The following ZMYND19 variants were observed in gnomAD, a reference collection of about 807,000 sequenced individuals.
The protein encoded by ZMYND19 is zinc finger MYND domain-containing protein 19.
ZMYND19 carries 17 observed loss-of-function variants against 32.0 expected under a neutral mutation model. That is an observed-to-expected ratio of 0.53 (90% CI 0.36 to 0.80). ZMYND19 has a LOEUF of 0.80. Among genes scored for constraint, ZMYND19 ranks in the 30% least tolerant of loss-of-function variants. The probability of loss-of-function intolerance (pLI) is 0.00; values close to 1 mark genes in which losing one functional copy is unlikely to be tolerated. For missense variants in ZMYND19, 250 were observed against 293.6 expected (o/e 0.85, Z 1.09); for synonymous variants, 124 against 113.6 (o/e 1.09, Z -0.58).
At chr9:137,589,917 G>A in intron 1 of ZMYND19, 4 of 985,402 alleles carry the variant, frequency 4.1e-6, no homozygotes, top group Non-Finnish European at 4.8e-6. Context: ...TCGGGCTCGA[G>A]CCACGCATCT....
At chr9:137,587,253 A>G in intron 3 of ZMYND19, 146 bp from the exon 4 acceptor site, 1 of 1,333,484 alleles carries the variant, frequency 7.5e-7, no homozygotes, top group South Asian at 1.4e-5. Context: ...GGATGAGGGT[A>G]CCTCAGGCGG....
chr9:137,588,450 G>A (rs1455063345), intron 2 of ZMYND19, among the ~76,000 whole-genome samples: 3 of 92,964 alleles, frequency 3.2e-5, no homozygotes, highest in African/African-American at 7.9e-5. Context: ...GGCCATGTGG[G>A]CCACAGTGGG....
intron 5 of ZMYND19, 135 bp downstream of exon 5, chr9:137,582,848 C>T (rs1164886264): frequency 6.6e-7 from 1 of 1,507,978 alleles, no homozygotes; most frequent in Non-Finnish European, 8.9e-7. Flanking sequence ...AGGGAGACCA[C>T]TCTGGTGGAA....
intron 4 of ZMYND19, among the ~76,000 whole-genome samples, chr9:137,585,138 C>T (rs981640924): frequency 5.9e-5 from 9 of 152,094 alleles, no homozygotes; most frequent in Non-Finnish European, 8.8e-5. Context: ...GAGGCTGAAG[C>T]GGGGCCAGGC....
At position 137,582,416 on chromosome 9, in the gene ZMYND19, G is replaced by C; in HGVS notation, c.*127C>G. On this transcript the variant is annotated 3_prime_UTR_variant, in exon 6 of 6. Coordinates refer to ENST00000298585, the MANE Select transcript of ZMYND19 (RefSeq NM_138462.3). ...ACACAGACTGCCTGTGACATCGGGA[G>C]TCTCACGGCAGCTGTCCTGGGCCCG... The C allele has an allele frequency of 1.5e-6, 2 of 1,348,604 alleles. No homozygotes were observed. The highest frequency in any genetic ancestry group is 2.0e-6 in the Non-Finnish European group (2 of 1,000,344). 83.5% of individuals were successfully genotyped at this position (1,348,604 alleles called of 1,614,324 possible). A position where few individuals can be genotyped will look rare whatever the true frequency, so the allele number is the denominator to read the frequency against.
At chr9:137,589,376 T>G in intron 1 of ZMYND19, 1 of 985,428 alleles carries the variant, frequency 1.0e-6, no homozygotes, top group South Asian at 4.7e-5. Flanking sequence ...CTTGGCAGTT[T>G]TTCTTCTGGG....
intron 1 of ZMYND19, chr9:137,589,431 C>T: frequency 2.0e-6 from 2 of 985,436 alleles, no homozygotes; most frequent in Non-Finnish European, 2.4e-6. Context: ...TGCCTCGGCT[C>T]CTCTCTCCCA....
intron 2 of ZMYND19, 101 bp from the exon 3 acceptor site, chr9:137,587,924 G>T: frequency 1.7e-6 from 2 of 1,175,570 alleles, no homozygotes; most frequent in Non-Finnish European, 1.3e-6. Flanking sequence ...AAGCCAGAGG[G>T]ACAAATGCCA....
chr9:137,583,305 C>T, intron 4 of ZMYND19, 142 bp from the exon 5 acceptor site: 2 of 846,476 alleles, frequency 2.4e-6, no homozygotes, highest in Non-Finnish European at 3.7e-6. Flanking sequence ...ATCCCTGCTG[C>T]ATGTGCTTTT....
intron 1 of ZMYND19, chr9:137,589,692 C>G (rs1039665062): frequency 3.0e-6 from 3 of 985,480 alleles, no homozygotes; most frequent in Non-Finnish European, 3.6e-6. Flanking sequence ...CCTAACGTGG[C>G]CAACCCCTGG....
rs1842259781 is a variant in ZMYND19 at position 137,590,369 on chromosome 9, G to A, written c.-106C>T. On this transcript the variant is annotated 5_prime_UTR_variant, in exon 1 of 6. Coordinates refer to ENST00000298585, the MANE Select transcript of ZMYND19 (RefSeq NM_138462.3). The surrounding 1 kb of genome is among the most constrained non-coding windows in gnomAD (Gnocchi z 4.2). ...CGGGACAGGACGGGACCGGAGCCGG[G>A]GTCGGGGTAGCAGCCAGGCGGGCTC... The A allele has an allele frequency of 1.3e-6, 1 of 746,920 alleles. No individual in the cohort carries two copies. Among genetic ancestry groups the A allele is most frequent in the East Asian group, 1.2e-4 (1 of 8,398 alleles). 46.3% of individuals were successfully genotyped at this position (746,920 alleles called of 1,614,324 possible).
At position 137,582,518 on chromosome 9, in the gene ZMYND19, T is replaced by A. The variant is rs776870780; in HGVS notation, c.*25A>T. On this transcript the variant is annotated 3_prime_UTR_variant, in exon 6 of 6. Coordinates refer to ENST00000298585, the MANE Select transcript of ZMYND19 (RefSeq NM_138462.3). ...TGCCCAGGGTAGAGCCCGGGGGCTGTGAGTATGTGTGGCTCCCCTGCCCGT... is the reference window on the plus strand; with the variant it reads ...TGCCCAGGGTAGAGCCCGGGGGCTGAGAGTATGTGTGGCTCCCCTGCCCGT... The A allele has an allele frequency of 1.2e-6, 2 of 1,601,996 alleles. No individual in the cohort carries two copies. The highest frequency in any genetic ancestry group is 1.7e-5 in the Admixed American group (1 of 59,420).
At position 137,584,905 on chromosome 9, in the gene ZMYND19, G is replaced by C. The variant is rs374666340; in HGVS notation, c.360-1742C>G. On this transcript the variant is annotated intron_variant, in intron 4 of 5. Transcript: ENST00000298585. ...CCCTGGCTCTCCACATTTCAGTCAG[G>C]ATACCAAAATGTACCCTATTTTTGT... 4.9e-4 allele frequency among the ~76,000 whole-genome samples: 74 copies of C among 152,256 alleles called. 1 individual carries two copies. The highest frequency in any genetic ancestry group is 1.7e-3 in the African/African-American group (71 of 41,532).
In ZMYND19 at chr9:137,590,117, C is replaced by G; in HGVS notation, c.51+96G>C. ...GCTGGGGCCCATCCCGGGCTCCGCG[C>G]CCCCGCCCCGGCCGCCGCCCGCACA... On this transcript the variant is annotated intron_variant, in intron 1 of 5. Transcript: ENST00000298585. The surrounding 1 kb of genome is among the most constrained non-coding windows in gnomAD (Gnocchi z 4.2). 1.0e-6 allele frequency: 1 copy of G among 982,540 alleles called. No individual in the cohort carries two copies. The highest frequency in any genetic ancestry group is 1.2e-6 in the Non-Finnish European group (1 of 828,712). The allele number at this position is 982,540 out of a possible 1,614,324, so 60.9% of individuals were successfully genotyped here. A position where few individuals can be genotyped will look rare whatever the true frequency, so the allele number is the denominator to read the frequency against.
intron 4 of ZMYND19, 23 bp downstream of exon 4, chr9:137,586,944 C>T (rs201299437): frequency 6.7e-4 from 1,078 of 1,610,736 alleles, no homozygotes; most frequent in Non-Finnish European, 8.2e-4. Flanking sequence ...CTGCTGGCAT[C>T]GCCAGGCCCT....
At position 137,587,103 on chromosome 9, in the gene ZMYND19, G is replaced by A. The variant is rs368548125; in HGVS notation, c.223C>T (p.Arg75Trp). The A allele has an allele frequency of 5.0e-6, 8 of 1,604,040 alleles. No individual in the cohort carries two copies. The highest frequency in any genetic ancestry group is 2.7e-5 in the African/African-American group (2 of 74,926). ...CCCGGGGCCACGCCCCCCCGGTGCC[G>A]CTCCCTAGAAACAGACAGCAAACCC... Reference protein sequence around the residue: ...GRLLHELLWERHRGGVAPGFQ... With the variant: ...GRLLHELLWEWHRGGVAPGFQ... The change falls in exon 4 of 6, where the codon CGG (arginine) becomes TGG (tryptophan). Residue 75 changes from arginine (R) to tryptophan (W), a missense_variant. Physicochemically the swap from Arg to Trp is moderately radical, Grantham distance 101 (BLOSUM62 -3). Transcript: ENST00000298585.
chr9:137,589,525 G>A lies in ZMYND19; in HGVS notation c.51+688C>T, dbSNP rs553162910. 3 of 985,476 alleles carry A rather than the reference G, an allele frequency of 3.0e-6. No individual in the cohort carries two copies. In the East Asian group the frequency reaches 3.4e-4, roughly 112 times the overall value. 61.0% of individuals were successfully genotyped at this position (985,476 alleles called of 1,614,324 possible). On this transcript the variant is annotated intron_variant, in intron 1 of 5. Coordinates refer to ENST00000298585, the MANE Select transcript of ZMYND19 (RefSeq NM_138462.3). ...CTGGTGCAGCTGCACAGGTGGCTCCGAGAAACCGCCAAGCCTCAATGCCCA... is the reference window on the plus strand; with the variant it reads ...CTGGTGCAGCTGCACAGGTGGCTCCAAGAAACCGCCAAGCCTCAATGCCCA...
At chr9:137,584,394 C>A (rs1328729077) in intron 4 of ZMYND19, among the ~76,000 whole-genome samples, 1 of 152,232 alleles carries the variant, frequency 6.6e-6, no homozygotes, top group Non-Finnish European at 1.5e-5. Flanking sequence ...AGCCCAACAC[C>A]CCCTTTCCAA....
chr9:137,584,394 C>T (rs1328729077), intron 4 of ZMYND19, among the ~76,000 whole-genome samples: 3 of 152,232 alleles, frequency 2.0e-5, no homozygotes, highest in African/African-American at 7.2e-5. Context: ...AGCCCAACAC[C>T]CCCTTTCCAA....
Sources: gnomAD v4.1 joint callset for allele counts (sites outside exome capture counted in the v4.1 genomes callset) on GRCh38, gnomAD v4.1.1 for gene constraint, Gnocchi (gnomAD v3.1) non-coding constraint, MANE v1.5 for transcripts, NCBI Gene and HGNC (gene_info 2026-07-23, HGNC 2026-07-21) for gene names.